HNRNPLL: variants seen among roughly 807,000 people sequenced by gnomAD.
HNRNPLL encodes heterogeneous nuclear ribonucleoprotein L like.
HNRNPLL carries 25 observed loss-of-function variants against 67.1 expected under a neutral mutation model. That is an observed-to-expected ratio of 0.37 (90% CI 0.27 to 0.52). The LOEUF (loss-of-function observed/expected upper bound fraction) is 0.52, where lower values mean the gene tolerates loss of function less well. Among genes scored for constraint, HNRNPLL ranks in the 20% least tolerant of loss-of-function variants. The pLI, the probability that HNRNPLL is intolerant of heterozygous loss-of-function variation, is 0.90. For missense variants in HNRNPLL, 542 were observed against 673.9 expected (o/e 0.80, Z 2.17); for synonymous variants, 267 against 241.7 (o/e 1.10, Z -0.97).
In HNRNPLL at chr2:38,585,518, T is replaced by G. The variant is rs3213852; in HGVS notation, c.546+126A>C. 2.1e-3 allele frequency: 1,331 copies of G among 622,044 alleles called. 54 individuals carry two copies. The East Asian group carries it at 0.036, about 17-fold the overall frequency. 38.5% of individuals were successfully genotyped at this position (622,044 alleles called of 1,614,324 possible). Reference sequence around the variant, plus strand: ...CTTTGTTCATTAAACTTGTTAAGATTAATTTTCAAAATTAAAAAAACTATT... The same window carrying G: ...CTTTGTTCATTAAACTTGTTAAGATGAATTTTCAAAATTAAAAAAACTATT... On this transcript the variant is annotated intron_variant, in intron 3 of 12. Transcript: ENST00000449105.
intron 4 of HNRNPLL, among the ~76,000 whole-genome samples, chr2:38,582,546 G>A (rs1005310188): frequency 2.0e-5 from 3 of 152,226 alleles, no homozygotes; most frequent in South Asian, 4.1e-4. Context: ...TCTTGACTTC[G>A]TGATCCGCCC....
At position 38,585,694 on chromosome 2, in the gene HNRNPLL, T is replaced by G; in HGVS notation, c.496A>C (p.Asn166His). Residue 166 changes from asparagine to histidine, a missense_variant, in exon 3 of 13, where the codon AAC becomes CAC. Asn to His is a moderately conservative substitution (Grantham distance 68). Transcript: ENST00000449105. ...TGAATTGAGAGCAGAAGAACTTTGTTGCCTCCTGATGGATCATCAGTATTT... is the reference window on the plus strand; with the variant it reads ...TGAATTGAGAGCAGAAGAACTTTGTGGCCTCCTGATGGATCATCAGTATTT... Reference protein sequence around the residue: ...PGNTDDPSGGNKVLLLSIQNP... With the variant: ...PGNTDDPSGGHKVLLLSIQNP... The G allele has an allele frequency of 6.2e-7, 1 of 1,613,664 alleles. No homozygotes were observed. Among genetic ancestry groups the G allele is most frequent in the Non-Finnish European group, 8.5e-7 (1 of 1,179,532 alleles).
intron 12 of HNRNPLL, among the ~76,000 whole-genome samples, chr2:38,566,547 G>A (rs1184166413): frequency 6.6e-6 from 1 of 152,016 alleles, no homozygotes; most frequent in Non-Finnish European, 1.5e-5. Flanking sequence ...TAAGAGTGCT[G>A]AGCAATGAAT....
rs564888919 is a variant in HNRNPLL at position 38,582,374 on chromosome 2, G to A, written c.633-206C>T. Reference sequence around the variant, plus strand: ...TCTATCACCAGGAGTGCAGTGGCGCGACCTGGGCTCAATGCAACCTCCACC... The same window carrying A: ...TCTATCACCAGGAGTGCAGTGGCGCAACCTGGGCTCAATGCAACCTCCACC... On this transcript the variant is annotated intron_variant, in intron 4 of 12. Coordinates refer to ENST00000449105, the MANE Select transcript of HNRNPLL (RefSeq NM_138394.4). 4.6e-5 allele frequency among the ~76,000 whole-genome samples: 7 copies of A among 152,154 alleles called. No homozygotes were observed. The South Asian group carries it at 1.0e-3, about 22-fold the overall frequency.
rs1665983753 is a variant in HNRNPLL, at chr2:38,569,351, A to C, written c.1215-17T>G. On this transcript the variant is annotated splice_polypyrimidine_tract_variant and intron_variant, in intron 9 of 12. Transcript: ENST00000449105. ...TTAGACACGCTAAAGATTGTAAAGA[A>C]AAGACATACAAAAGTACTTTGTTAG... The C allele has an allele frequency of 1.3e-6, 2 of 1,548,170 alleles. No individual in the cohort carries two copies. Among genetic ancestry groups the C allele is most frequent in the African/African-American group, 1.4e-5 (1 of 73,658 alleles).
At chr2:38,577,410 G>GC (rs1558534649) in intron 7 of HNRNPLL, 51 bp downstream of exon 7, 1 of 1,102,854 alleles carries the variant, frequency 9.1e-7, no homozygotes, top group African/African-American at 1.5e-5. Context: ...CAGAAATGCA[G>GC]CAAGTCAAAC....
intron 1 of HNRNPLL, among the ~76,000 whole-genome samples, chr2:38,599,674 A>G (rs532011039): frequency 6.6e-6 from 1 of 152,356 alleles, no homozygotes; most frequent in African/African-American, 2.4e-5. Context: ...TACCTTCAAC[A>G]TAATGATCAC....
intron 1 of HNRNPLL, among the ~76,000 whole-genome samples, chr2:38,597,412 A>G (rs886626365): frequency 4.6e-5 from 7 of 152,242 alleles, no homozygotes; most frequent in African/African-American, 1.7e-4. Context: ...ATTTCCAGAC[A>G]TAAAACTATC....
At chr2:38,599,408 G>A (rs1030752237) in intron 1 of HNRNPLL, among the ~76,000 whole-genome samples, 1 of 152,104 alleles carries the variant, frequency 6.6e-6, no homozygotes, top group Non-Finnish European at 1.5e-5. Flanking sequence ...CTTCTTAAAA[G>A]AAGATACAGA....
chr2:38,569,945 A>C lies in HNRNPLL; in HGVS notation c.1093-20T>G. ...TTTTACCTGTAAACACAAAATTCCA[A>C]AAAGGTGACCATTTAATTCCCTTTT... On this transcript the variant is annotated intron_variant, in intron 8 of 12. Coordinates refer to ENST00000449105, the MANE Select transcript of HNRNPLL (RefSeq NM_138394.4). The C allele has an allele frequency of 6.4e-7, 1 of 1,557,108 alleles. No homozygotes were observed. The highest frequency in any genetic ancestry group is 8.7e-7 in the Non-Finnish European group (1 of 1,149,004).
intron 1 of HNRNPLL, among the ~76,000 whole-genome samples, chr2:38,598,457 C>T (rs919688513): frequency 1.3e-5 from 2 of 152,180 alleles, no homozygotes; most frequent in Admixed American, 6.5e-5. Flanking sequence ...TCTTCTACCC[C>T]GCTCCCTTTT....
At chr2:38,593,189 A>C (rs190846607) in intron 1 of HNRNPLL, among the ~76,000 whole-genome samples, 42 of 152,338 alleles carry the variant, frequency 2.8e-4, no homozygotes, top group African/African-American at 9.6e-4. Flanking sequence ...CATGCCACTA[A>C]GTTTGAAATG....
chr2:38,584,047 A>C (rs1467215453), intron 3 of HNRNPLL, 121 bp from the exon 4 acceptor site: 1 of 464,682 alleles, frequency 2.2e-6, no homozygotes, highest in East Asian at 3.5e-5. Context: ...ATTGATTAAT[A>C]AAATTAATTC....
chr2:38,593,028 G>A (rs908183010), intron 1 of HNRNPLL, among the ~76,000 whole-genome samples: 2 of 152,174 alleles, frequency 1.3e-5, no homozygotes, highest in African/African-American at 4.8e-5. Context: ...GAAAGGAACT[G>A]ATTTAAATAT....
chr2:38,602,637 G>A lies in HNRNPLL; in HGVS notation c.-11C>T. ...AGAGGAGGAGGACATGGCGGCGGCCGGAGGGACCGGCTGGCAGGCGGGTGG... is the reference window on the plus strand; with the variant it reads ...AGAGGAGGAGGACATGGCGGCGGCCAGAGGGACCGGCTGGCAGGCGGGTGG... On this transcript the variant is annotated 5_prime_UTR_variant, in exon 1 of 13. Coordinates refer to ENST00000449105, the MANE Select transcript of HNRNPLL (RefSeq NM_138394.4). The A allele has an allele frequency of 6.7e-7, 1 of 1,501,032 alleles. No individual in the cohort carries two copies. Among genetic ancestry groups the A allele is most frequent in the Non-Finnish European group, 8.9e-7 (1 of 1,128,708 alleles). 93.0% of individuals were successfully genotyped at this position (1,501,032 alleles called of 1,614,324 possible). A position where few individuals can be genotyped will look rare whatever the true frequency, so the allele number is the denominator to read the frequency against.
intron 2 of HNRNPLL, among the ~76,000 whole-genome samples, chr2:38,587,177 G>A (rs573144617): frequency 9.2e-4 from 140 of 152,226 alleles, no homozygotes; most frequent in African/African-American, 3.1e-3. Flanking sequence ...ACTAACAAAT[G>A]GTACAGTATT....
At position 38,562,669 on chromosome 2, in the gene HNRNPLL, G is replaced by A. The variant is rs1164809682; in HGVS notation, c.*1513C>T. ...GAACACAGTTCACACAGTTACCCTT[G>A]GCATAACTTACTGGGTTCTGTGATA... On this transcript the variant is annotated 3_prime_UTR_variant, in exon 13 of 13. Transcript: ENST00000449105. 6.6e-6 allele frequency: 1 copy of A among 151,948 alleles called. No homozygotes were observed. The highest frequency in any genetic ancestry group is 1.5e-5 in the Non-Finnish European group (1 of 67,926). 9.4% of individuals were successfully genotyped at this position (151,948 alleles called of 1,614,324 possible).
At chr2:38,596,884 T>A (rs1016908796) in intron 1 of HNRNPLL, among the ~76,000 whole-genome samples, 1 of 152,132 alleles carries the variant, frequency 6.6e-6, no homozygotes, top group Non-Finnish European at 1.5e-5. Context: ...ACTTACATAA[T>A]CTCTTCTTTA....
intron 2 of HNRNPLL, 62 bp downstream of exon 2, chr2:38,591,468 C>T: frequency 2.3e-6 from 2 of 888,642 alleles, no homozygotes; most frequent in East Asian, 4.8e-5. Context: ...AGGCTTGTAA[C>T]AAGCAAGCAA....
Sources: allele counts gnomAD v4.1 joint callset (sites outside exome capture counted in the v4.1 genomes callset), GRCh38; gene constraint gnomAD v4.1.1; transcripts MANE v1.5; gene names NCBI Gene and HGNC (gene_info 2026-07-23, HGNC 2026-07-21).